Variants in OXCT1 observed in about 807,000 individuals in gnomAD.
OXCT1 encodes succinyl-CoA:3-ketoacid coenzyme A transferase 1, mitochondrial.
A neutral mutation model predicts 69.6 loss-of-function variants in OXCT1; 27 were observed. The observed-to-expected ratio is 0.39, with a 90% CI of 0.29 to 0.54. The LOEUF is 0.54. OXCT1 is among the 20% of genes least tolerant of loss of function. The pLI, the probability that OXCT1 is intolerant of heterozygous loss-of-function variation, is 0.72. For missense variants in OXCT1, 437 were observed against 650.2 expected, an observed-to-expected ratio of 0.67 and a Z score of 3.57; for synonymous variants, 202 against 217.8, an observed-to-expected ratio of 0.93 and a Z score of 0.64.
chr5:41,796,896 G>A (rs1160014911), intron 11 of OXCT1, among the ~76,000 whole-genome samples: 2 of 152,178 alleles, frequency 1.3e-5, no homozygotes, highest in East Asian at 1.9e-4. Context: ...TTATAAAAGA[G>A]ATAATGCCAT....
intron 16 of OXCT1, among the ~76,000 whole-genome samples, chr5:41,733,828 G>A (rs1432509270): frequency 6.6e-6 from 1 of 152,088 alleles, no homozygotes; most frequent in Non-Finnish European, 1.5e-5. Flanking sequence ...TCTCATCAAC[G>A]TTGTAAATTC....
At chr5:41,860,314 A>G (rs1749675021) in intron 3 of OXCT1, among the ~76,000 whole-genome samples, 1 of 152,178 alleles carries the variant, frequency 6.6e-6, no homozygotes, top group Non-Finnish European at 1.5e-5. Flanking sequence ...AATGTAATAT[A>G]CATATATATC....
chr5:41,778,691 T>C (rs1745244101), intron 13 of OXCT1, among the ~76,000 whole-genome samples: 1 of 152,204 alleles, frequency 6.6e-6, no homozygotes, highest in Non-Finnish European at 1.5e-5. Context: ...CCCCACCACA[T>C]GCATTAGACA....
rs186150618 is a variant in OXCT1 at position 41,862,779 on chromosome 5, A to C, written c.79-29T>G. 4.5e-6 allele frequency: 6 copies of C among 1,328,678 alleles called. No individual in the cohort carries two copies. In the African/African-American group the frequency reaches 7.2e-5, roughly 16 times the overall value. The allele number at this position is 1,328,678 out of a possible 1,614,324, so 82.3% of individuals were successfully genotyped here. A position where few individuals can be genotyped will look rare whatever the true frequency, so the allele number is the denominator to read the frequency against. On this transcript the variant is annotated intron_variant, in intron 1 of 16. Transcript: ENST00000196371. ...AAATATTAAAAAAAAAAAATTGATA[A>C]TCATTTGGAGATACAGCTTTACTTT... is the stretch of plus-strand genomic sequence containing the variant.
intron 13 of OXCT1, among the ~76,000 whole-genome samples, chr5:41,784,221 T>C (rs554420935): frequency 6.6e-6 from 1 of 152,332 alleles, no homozygotes; most frequent in Admixed American, 6.5e-5. Flanking sequence ...CAAAGAATTC[T>C]TTGATTGGTA....
intron 13 of OXCT1, among the ~76,000 whole-genome samples, chr5:41,790,498 A>T (rs1745863654): frequency 6.6e-6 from 1 of 152,212 alleles, no homozygotes. Context: ...CATACTAAGA[A>T]GCTATTAAAC....
chr5:41,748,736 C>T (rs1472062528), intron 15 of OXCT1, among the ~76,000 whole-genome samples: 3 of 152,002 alleles, frequency 2.0e-5, no homozygotes, highest in Non-Finnish European at 2.9e-5. Context: ...GTTAGCGAGT[C>T]AGATTAATGC....
chr5:41,807,860 T>C (rs529568796), intron 7 of OXCT1, among the ~76,000 whole-genome samples: 2 of 152,152 alleles, frequency 1.3e-5, no homozygotes, highest in African/African-American at 4.8e-5. Context: ...TGTAATAACA[T>C]CTGCTTGGTC....
rs568983776 is a variant in OXCT1 at position 41,825,466 on chromosome 5, C to T, written c.732+14985G>A. Among the ~76,000 whole-genome samples, 9 of 152,090 alleles carry T rather than the reference C, an allele frequency of 5.9e-5. No individual in the cohort carries two copies. In the South Asian group the frequency reaches 1.7e-3, roughly 28 times the overall value. On this transcript the variant is annotated intron_variant, in intron 7 of 16. Transcript: ENST00000196371. The stretch of plus-strand genomic sequence containing the variant: ...GTTAACTGTTTTAAAATATTCCATC[C>T]AAAAACAAAAAGATATTTTCATAAT...
chr5:41,742,676 C>G (rs542212973), intron 15 of OXCT1, among the ~76,000 whole-genome samples: 1 of 151,938 alleles, frequency 6.6e-6, no homozygotes, highest in South Asian at 2.1e-4. Context: ...TGTTCCCCAC[C>G]CTGTGTCCAA....
intron 13 of OXCT1, among the ~76,000 whole-genome samples, chr5:41,765,122 G>A (rs752140627): frequency 3.9e-5 from 6 of 152,116 alleles, no homozygotes; most frequent in Non-Finnish European, 7.4e-5. Flanking sequence ...TGACATAAGC[G>A]GGAAATGCAT....
In OXCT1 at chr5:41,850,157, C is replaced by T. The variant is rs1304494388; in HGVS notation, c.437G>A (p.Arg146His). The change falls in exon 5 of 17, where the codon CGT (arginine) becomes CAT (histidine). Residue 146 changes from arginine (R) to histidine (H), a missense_variant. By Grantham distance (29) the Arg-to-His change is conservative (BLOSUM62 0). Coordinates refer to ENST00000196371, the MANE Select transcript of OXCT1 (RefSeq NM_000436.4). Reference protein sequence around the residue: ...TPQGTLAERIRAGGAGVPAFY... With the variant: ...TPQGTLAERIHAGGAGVPAFY... The stretch of plus-strand genomic sequence containing the variant: ...TGCAGGAACTCCAGCCCCGCCTGCA[C>T]GGATCCTCTCTGCAAGTGTGCCCTG... The T allele has an allele frequency of 5.0e-6, 8 of 1,613,580 alleles. No individual in the cohort carries two copies. The highest frequency in any genetic ancestry group is 2.2e-5 in the East Asian group (1 of 44,888).
chr5:41,855,905 C>G, intron 3 of OXCT1, among the ~76,000 whole-genome samples: 1 of 152,194 alleles, frequency 6.6e-6, no homozygotes, highest in Middle Eastern at 3.4e-3. Context: ...GAAAACATCT[C>G]GAGAACAGTG....
At chr5:41,857,692 G>A (rs1749496259) in intron 3 of OXCT1, among the ~76,000 whole-genome samples, 4 of 152,154 alleles carry the variant, frequency 2.6e-5, no homozygotes. Context: ...CAGACCTGGG[G>A]CTGGTAACAG....
chr5:41,735,640 A>G (rs1485254681), intron 16 of OXCT1, among the ~76,000 whole-genome samples: 1 of 152,256 alleles, frequency 6.6e-6, no homozygotes, highest in African/African-American at 2.4e-5. Flanking sequence ...GCATTTGTAG[A>G]GCATGAACAT....
At chr5:41,869,685 G>C (rs1402243277) in intron 1 of OXCT1, among the ~76,000 whole-genome samples, 1 of 152,282 alleles carries the variant, frequency 6.6e-6, no homozygotes, top group African/African-American at 2.4e-5. Flanking sequence ...ACGCCCTGGC[G>C]AGCGCTCCAG....
chr5:41,817,819 A>G (rs1747323767), intron 7 of OXCT1, among the ~76,000 whole-genome samples: 1 of 152,242 alleles, frequency 6.6e-6, no homozygotes, highest in Non-Finnish European at 1.5e-5. Flanking sequence ...TTGAGATAAA[A>G]TGATCCCAGA....
chr5:41,856,152 T>C (rs1749417901), intron 3 of OXCT1, among the ~76,000 whole-genome samples: 1 of 152,100 alleles, frequency 6.6e-6, no homozygotes, highest in Non-Finnish European at 1.5e-5. Context: ...GCTTGAAAGA[T>C]GAAAGGCCGG....
chr5:41,775,732 C>T (rs948115004), intron 13 of OXCT1, among the ~76,000 whole-genome samples: 1 of 152,072 alleles, frequency 6.6e-6, no homozygotes, highest in East Asian at 1.9e-4. Flanking sequence ...TACTTAAGGG[C>T]CCACTGAGAG....
Sources: allele counts gnomAD v4.1 joint callset (sites outside exome capture counted in the v4.1 genomes callset), GRCh38; gene constraint gnomAD v4.1.1; transcripts MANE v1.5; gene names NCBI Gene and HGNC (gene_info 2026-07-23, HGNC 2026-07-21).